CSMD1: variants seen among roughly 807,000 people sequenced by gnomAD.
The protein encoded by CSMD1 is CUB and sushi domain-containing protein 1.
CSMD1 carries 213 observed loss-of-function variants against 417.5 expected under a neutral mutation model. The ratio of observed to expected loss-of-function variants is 0.51; its 90% CI spans 0.46 to 0.57. The LOEUF is 0.57. CSMD1 is among the 20% of genes least tolerant of loss of function. The pLI is 0.00. For missense variants in CSMD1, 6,923 were observed against 4,529.7 expected (o/e 1.53, Z -15.17); for synonymous variants, 2,862 against 1,736.8 (o/e 1.65, Z -16.11).
chr8:4,155,045 C>T (rs1243196022), intron 3 of CSMD1, among the ~76,000 whole-genome samples: 1 of 152,188 alleles, frequency 6.6e-6, no homozygotes. Flanking sequence ...AACACTGCTG[C>T]AGAATTTGTC....
At chr8:3,267,563 A>G (rs1801526040) in intron 26 of CSMD1, among the ~76,000 whole-genome samples, 1 of 152,190 alleles carries the variant, frequency 6.6e-6, no homozygotes. Context: ...TTCCAGCACA[A>G]GGGAATGTAA....
intron 1 of CSMD1, among the ~76,000 whole-genome samples, chr8:4,980,194 G>C (rs1370041856): frequency 1.3e-5 from 2 of 152,206 alleles, no homozygotes; most frequent in East Asian, 1.9e-4. Flanking sequence ...ACAGCTCTCA[G>C]CCATCTCCTG....
intron 1 of CSMD1, among the ~76,000 whole-genome samples, chr8:4,910,969 G>A (rs1388458264): frequency 6.6e-6 from 1 of 152,112 alleles, no homozygotes; most frequent in African/African-American, 2.4e-5. Context: ...ATAAGCCTCA[G>A]GAGACCTGAT....
intron 51 of CSMD1, among the ~76,000 whole-genome samples, chr8:3,019,128 G>C (rs1809132981): frequency 6.6e-6 from 1 of 152,170 alleles, no homozygotes; most frequent in Non-Finnish European, 1.5e-5. Flanking sequence ...ATGTTGGCCA[G>C]ACTGATCTCA....
intron 3 of CSMD1, among the ~76,000 whole-genome samples, chr8:4,056,190 T>A (rs1798681305): frequency 6.6e-6 from 1 of 150,642 alleles, no homozygotes; most frequent in Non-Finnish European, 1.5e-5. Context: ...CGAGCAATTC[T>A]CTTGCCTCAG....
intron 41 of CSMD1, among the ~76,000 whole-genome samples, chr8:3,140,110 G>T (rs1262162386): frequency 6.6e-6 from 1 of 152,062 alleles, no homozygotes; most frequent in Admixed American, 6.6e-5. Flanking sequence ...CACCATATCG[G>T]CCAGGTTGGT....
chr8:3,862,315 T>A (rs1216588828), intron 5 of CSMD1, among the ~76,000 whole-genome samples: 1 of 152,230 alleles, frequency 6.6e-6, no homozygotes, highest in Non-Finnish European at 1.5e-5. Context: ...CTTTCTGTCA[T>A]CTGCCCAAGG....
chr8:3,482,277 A>C (rs1817792548), intron 11 of CSMD1, among the ~76,000 whole-genome samples: 1 of 152,162 alleles, frequency 6.6e-6, no homozygotes, highest in South Asian at 2.1e-4. Flanking sequence ...ATGAGGCTTA[A>C]AATATATGTC....
chr8:4,297,864 C>A (rs777991919), intron 3 of CSMD1, among the ~76,000 whole-genome samples: 3 of 152,074 alleles, frequency 2.0e-5, no homozygotes, highest in Non-Finnish European at 4.4e-5. Context: ...GGTGGTCCTG[C>A]ACTTTAAAAC....
intron 10 of CSMD1, among the ~76,000 whole-genome samples, chr8:3,508,396 T>C (rs1216810612): frequency 1.3e-5 from 2 of 151,744 alleles, no homozygotes; most frequent in African/African-American, 2.4e-5. Flanking sequence ...TTAGGAGATA[T>C]ACCTAATGTA....
intron 5 of CSMD1, among the ~76,000 whole-genome samples, chr8:3,978,632 C>G (rs755328573): frequency 2.0e-5 from 3 of 152,124 alleles, no homozygotes; most frequent in Non-Finnish European, 4.4e-5. Context: ...CGTCTCGTCG[C>G]TGCTGTCTCT....
intron 3 of CSMD1, among the ~76,000 whole-genome samples, chr8:4,406,682 A>C (rs1318403117): frequency 1.3e-5 from 2 of 152,118 alleles, no homozygotes; most frequent in Non-Finnish European, 2.9e-5. Context: ...TTACACAAAA[A>C]CTACACAAAG....
At chr8:3,076,916 G>A (rs1486241654) in intron 49 of CSMD1, among the ~76,000 whole-genome samples, 2 of 152,086 alleles carry the variant, frequency 1.3e-5, no homozygotes, top group East Asian at 3.9e-4. Context: ...ACATAATGAA[G>A]GAGACTGGGC....
At chr8:4,247,280 G>C (rs1213610153) in intron 3 of CSMD1, among the ~76,000 whole-genome samples, 2 of 152,124 alleles carry the variant, frequency 1.3e-5, no homozygotes, top group African/African-American at 4.8e-5. Context: ...AAATCACTTA[G>C]ATAATCAATG....
chr8:3,336,657 C>T (rs1322819974), intron 23 of CSMD1, among the ~76,000 whole-genome samples: 1 of 152,146 alleles, frequency 6.6e-6, no homozygotes, highest in Non-Finnish European at 1.5e-5. Context: ...ATCACAGAGC[C>T]CTGTGCCCCC....
intron 3 of CSMD1, among the ~76,000 whole-genome samples, chr8:4,297,097 A>G (rs1237626542): frequency 1.5e-5 from 2 of 129,428 alleles, no homozygotes; most frequent in Non-Finnish European, 3.4e-5. Context: ...GGGAGACTCT[A>G]GAGCATCGTA....
At chr8:4,075,260 G>C (rs193207344) in intron 3 of CSMD1, among the ~76,000 whole-genome samples, 3 of 151,920 alleles carry the variant, frequency 2.0e-5, no homozygotes, top group Non-Finnish European at 4.4e-5. Context: ...AAAAAACAAA[G>C]TATTATAAAA....
At chr8:3,284,371 T>C (rs1212870521) in intron 25 of CSMD1, 25 bp from the exon 26 acceptor site, 1 of 1,574,474 alleles carries the variant, frequency 6.4e-7, no homozygotes, top group East Asian at 2.2e-5. Flanking sequence ...ACAGTAGCGC[T>C]ACTTGCCGTG....
chr8:3,666,752 T>G (rs769297048), intron 7 of CSMD1, among the ~76,000 whole-genome samples: 1 of 152,220 alleles, frequency 6.6e-6, no homozygotes, highest in African/African-American at 2.4e-5. Context: ...CTGTCTTCTA[T>G]GCCTCCATGT....
Sources: allele counts gnomAD v4.1 joint callset (sites outside exome capture counted in the v4.1 genomes callset), GRCh38; gene constraint gnomAD v4.1.1; transcripts MANE v1.5; gene names NCBI Gene and HGNC (gene_info 2026-07-23, HGNC 2026-07-21).